The following TMEM225B variants were observed in gnomAD, a reference collection of about 807,000 sequenced individuals.
TMEM225B encodes the protein transmembrane protein 225-like.
In TMEM225B, 10 loss-of-function variants were observed where a neutral mutation model predicts 16.9. The observed-to-expected ratio is 0.59, with a 90% confidence interval of 0.36 to 1.00. The LOEUF is 1.00. Among genes scored for constraint, TMEM225B ranks in the 50% least tolerant of loss-of-function variants. TMEM225B has a pLI of 0.01. For synonymous variants in TMEM225B, 92 were observed against 109.8 expected, an observed-to-expected ratio of 0.84 and a Z score of 1.01; for missense variants, 217 against 267.0, an observed-to-expected ratio of 0.81 and a Z score of 1.30.
At chr7:99,601,089 G>A (rs1302863495) in intron 2 of TMEM225B, among the ~76,000 whole-genome samples, 1 of 152,172 alleles carries the variant, frequency 6.6e-6, no homozygotes, top group East Asian at 1.9e-4. Flanking sequence ...CCTATCAAAT[G>A]AGAATGCCCA....
chr7:99,610,492 A>G lies in TMEM225B; in HGVS notation c.593A>G (p.Asn198Ser). The G allele has an allele frequency of 6.5e-7, 1 of 1,536,080 alleles. No homozygotes were observed. Among genetic ancestry groups the G allele is most frequent in the South Asian group, 1.2e-5 (1 of 84,062 alleles). Reference protein sequence around the residue: ...EEDHGSLYLDNLESLGGEPSS... With the variant: ...EEDHGSLYLDSLESLGGEPSS... Reference sequence around the variant, plus strand: ...GACCACGGGAGCCTGTACCTGGACAATCTGGAGAGTTTGGGAGGAGAACCG... The same window carrying G: ...GACCACGGGAGCCTGTACCTGGACAGTCTGGAGAGTTTGGGAGGAGAACCG... Residue 198 changes from asparagine (N) to serine (S), a missense_variant, in exon 6 of 6, where the codon AAT becomes AGT. Coordinates refer to ENST00000431679, the MANE Select transcript of TMEM225B (RefSeq NM_001195541.3).
rs1805860180 is a variant in TMEM225B at position 99,606,857 on chromosome 7, G to A, written c.318G>A (p.Lys106=). The A allele has an allele frequency of 6.5e-7, 1 of 1,536,058 alleles. No individual in the cohort carries two copies. Among genetic ancestry groups the A allele is most frequent in the South Asian group, 1.2e-5 (1 of 84,066 alleles). The change falls in exon 4 of 6, where the codon AAG becomes AAA. Residue 106 remains lysine, a synonymous_variant. Coordinates refer to ENST00000431679, the MANE Select transcript of TMEM225B (RefSeq NM_001195541.3). The stretch of plus-strand genomic sequence containing the variant: ...CCGAGTTCTTCCCGAGGACCTGGAA[G>A]CAAAACTTTGTGTTAGCCTGCATCA... ...FASEFFPRTW[K]QNFVLACISF... is the part of the protein sequence containing the mutation.
At chr7:99,601,962 T>A (rs145297825) in intron 2 of TMEM225B, among the ~76,000 whole-genome samples, 4 of 152,312 alleles carry the variant, frequency 2.6e-5, no homozygotes, top group African/African-American at 9.6e-5. Context: ...GAAAGCATGC[T>A]CACTTCGAGG....
chr7:99,604,997 AAACAACAAC>A (rs143208811), intron 3 of TMEM225B, among the ~76,000 whole-genome samples: 7,284 of 138,386 alleles, frequency 0.053, 615 homozygotes, highest in African/African-American at 0.18. Flanking sequence ...CCCTGTCTCA[AAACAACAAC>A]AACAACAACA....
Position 99,610,620 on chromosome 7 carries a change from C to A in TMEM225B, c.*55C>A. The A allele has an allele frequency of 6.8e-7, 1 of 1,473,052 alleles. No homozygotes were observed. The allele number at this position is 1,473,052 out of a possible 1,614,324, so 91.2% of individuals were successfully genotyped here. A position where few individuals can be genotyped will look rare whatever the true frequency, so the allele number is the denominator to read the frequency against. On this transcript the variant is annotated 3_prime_UTR_variant, in exon 6 of 6. Coordinates refer to ENST00000431679, the MANE Select transcript of TMEM225B (RefSeq NM_001195541.3). Reference sequence around the variant, plus strand: ...AAGCCATGTGAGTGTACACATGTAGCTGTTTGTAGTCCTCCCCACCCTCTC... The same window carrying A: ...AAGCCATGTGAGTGTACACATGTAGATGTTTGTAGTCCTCCCCACCCTCTC...
chr7:99,605,851 G>A (rs1163088336), intron 3 of TMEM225B, among the ~76,000 whole-genome samples: 2 of 152,176 alleles, frequency 1.3e-5, no homozygotes, highest in African/African-American at 4.8e-5. Context: ...GCCTCCCAAA[G>A]TGTTGAGATT....
intron 4 of TMEM225B, 72 bp downstream of exon 4, chr7:99,606,966 A>G (rs879461698): frequency 3.4e-6 from 5 of 1,475,680 alleles, no homozygotes; most frequent in African/African-American, 1.4e-5. Flanking sequence ...AGGGGTGCTC[A>G]GTCTCTGTGA....
chr7:99,605,795 C>T (rs1383383660), intron 3 of TMEM225B, among the ~76,000 whole-genome samples: 1 of 152,108 alleles, frequency 6.6e-6, no homozygotes, highest in Admixed American at 6.6e-5. Flanking sequence ...ACTATGTGGC[C>T]CAGGCTGGTC....
Position 99,610,510 on chromosome 7 carries a change from G to A in TMEM225B, c.611G>A (p.Gly204Glu), listed in dbSNP as rs986089987. The A allele has an allele frequency of 1.3e-6, 2 of 1,536,090 alleles. No homozygotes were observed. The highest frequency in any genetic ancestry group is 2.0e-5 in the Admixed American group (1 of 51,004). The change falls in exon 6 of 6, where the codon GGA becomes GAA. Residue 204 changes from glycine (G) to glutamate (E), a missense_variant. Gly to Glu is a moderately conservative substitution (Grantham distance 98, BLOSUM62 -2). Transcript: ENST00000431679. Reference sequence around the variant, plus strand: ...CTGGACAATCTGGAGAGTTTGGGAGGAGAACCGAGCTCAGTACAAAAGGAG... The same window carrying A: ...CTGGACAATCTGGAGAGTTTGGGAGAAGAACCGAGCTCAGTACAAAAGGAG... ...LYLDNLESLG[G>E]EPSSVQKETQ...
chr7:99,603,952 G>A (rs1284117583), intron 2 of TMEM225B, among the ~76,000 whole-genome samples: 3 of 151,830 alleles, frequency 2.0e-5, no homozygotes, highest in South Asian at 2.1e-4. Flanking sequence ...ACGGGGTTTC[G>A]CCATGTTGCC....
chr7:99,610,541 G>C lies in TMEM225B; in HGVS notation c.642G>C (p.Gln214His). Residue 214 changes from glutamine to histidine, a missense_variant, in exon 6 of 6, where the codon CAG (glutamine) becomes CAC (histidine). Physicochemically the swap from Gln to His is conservative, Grantham distance 24. Transcript: ENST00000431679. Reference protein sequence around the residue: ...GEPSSVQKETQVTAETVI With the variant: ...GEPSSVQKETHVTAETVI Reference sequence around the variant, plus strand: ...CGAGCTCAGTACAAAAGGAGACACAGGTGACAGCAGAAACAGTCATCTAGC... The same window carrying C: ...CGAGCTCAGTACAAAAGGAGACACACGTGACAGCAGAAACAGTCATCTAGC... The C allele has an allele frequency of 6.5e-7, 1 of 1,536,106 alleles. No homozygotes were observed. Among genetic ancestry groups the C allele is most frequent in the South Asian group, 1.2e-5 (1 of 84,062 alleles).
intron 5 of TMEM225B, 69 bp downstream of exon 5, chr7:99,607,879 G>GTT: frequency 6.8e-7 from 1 of 1,477,132 alleles, no homozygotes; most frequent in South Asian, 1.3e-5. Context: ...TCTTGTGGAG[G>GTT]CCCTCCCTTT....
intron 5 of TMEM225B, among the ~76,000 whole-genome samples, chr7:99,609,154 G>A (rs1234127715): frequency 1.3e-5 from 2 of 151,728 alleles, no homozygotes; most frequent in Non-Finnish European, 2.9e-5. Context: ...GCAACAGCGG[G>A]ACTCCATCTC....
chr7:99,600,581 T>C (rs1296411214), intron 2 of TMEM225B, among the ~76,000 whole-genome samples: 3 of 152,136 alleles, frequency 2.0e-5, no homozygotes, highest in Non-Finnish European at 4.4e-5. Flanking sequence ...ACATCTTTCA[T>C]GGTGGCTGGC....
At chr7:99,608,820 TATATG>T (rs1275381162) in intron 5 of TMEM225B, among the ~76,000 whole-genome samples, 1 of 145,322 alleles carries the variant, frequency 6.9e-6, no homozygotes, top group African/African-American at 2.7e-5. Flanking sequence ...TAGACATACA[TATATG>T]TGTGTGTGTG....
intron 5 of TMEM225B, among the ~76,000 whole-genome samples, chr7:99,609,457 G>A (rs573045798): frequency 3.3e-5 from 5 of 152,122 alleles, no homozygotes; most frequent in South Asian, 4.1e-4. Context: ...TTTTGTTCCC[G>A]AGATGGAGTC....
intron 3 of TMEM225B, chr7:99,605,469 C>T (rs1055002173): frequency 4.2e-5 from 6 of 144,324 alleles, no homozygotes; most frequent in Non-Finnish European, 7.5e-5. Context: ...AACAGGATCT[C>T]GCTTTGTCAC....
chr7:99,609,924 A>G (rs536781125), intron 5 of TMEM225B, among the ~76,000 whole-genome samples: 86 of 152,082 alleles, frequency 5.7e-4, no homozygotes, highest in African/African-American at 2.0e-3. Flanking sequence ...TTTGGTAAAC[A>G]CGAGGTCTTG....
chr7:99,604,850 G>A (rs1442026136), intron 3 of TMEM225B, among the ~76,000 whole-genome samples: 1 of 152,030 alleles, frequency 6.6e-6, no homozygotes, highest in Non-Finnish European at 1.5e-5. Flanking sequence ...AAAATTAGCT[G>A]AGCATGGTGG....
Sources: gnomAD v4.1 joint callset for allele counts (sites outside exome capture counted in the v4.1 genomes callset) on GRCh38, gnomAD v4.1.1 for gene constraint, MANE v1.5 for transcripts, NCBI Gene and HGNC (gene_info 2026-07-23, HGNC 2026-07-21) for gene names.